XRCC2: variants seen among roughly 807,000 people sequenced by gnomAD.
XRCC2 encodes the protein X-ray repair cross complementing 2.
Under a neutral mutation model 27.3 loss-of-function variants are expected in XRCC2, and 24 were observed. The ratio of observed to expected loss-of-function variants is 0.88; its 90% CI spans 0.64 to 1.24. The LOEUF is 1.24. Ranked by LOEUF, XRCC2 falls within the 50% of genes most tolerant of loss-of-function variation. XRCC2 has a pLI of 0.00. For missense variants in XRCC2, 321 were observed against 325.8 expected, an observed-to-expected ratio of 0.99 and a Z score of 0.11; for synonymous variants, 106 against 115.4, an observed-to-expected ratio of 0.92 and a Z score of 0.52.
At chr7:152,661,962 A>G (rs1292758041) in intron 1 of XRCC2, among the ~76,000 whole-genome samples, 1 of 152,126 alleles carries the variant, frequency 6.6e-6, no homozygotes, top group Admixed American at 6.5e-5. Context: ...CTGGCATATT[A>G]TCCACTTCTT....
rs1324804031 is a variant in XRCC2 at position 152,649,245 on chromosome 7, A to T, written c.240T>A (p.Phe80Leu). The part of the protein sequence containing the change: ...SEGGLEVEVL[F>L]IDTDYHFDML... ...TATCAAAGTGGTAATCTGTATCAAT[A>T]AATAAGACTTCTACTTCCAGGCCAC... The change falls in exon 3 of 3, where the codon TTT (phenylalanine) becomes TTA (leucine). Residue 80 changes from phenylalanine to leucine, a missense_variant. Physicochemically the swap from Phe to Leu is conservative, Grantham distance 22. Transcript: ENST00000359321. 1.9e-6 allele frequency: 3 copies of T among 1,613,918 alleles called. No homozygotes were observed. Among genetic ancestry groups the T allele is most frequent in the Non-Finnish European group, 2.5e-6 (3 of 1,180,036 alleles).
intron 2 of XRCC2, among the ~76,000 whole-genome samples, chr7:152,655,105 A>T (rs1470529373): frequency 2.0e-5 from 3 of 152,218 alleles, no homozygotes; most frequent in Non-Finnish European, 2.9e-5. Context: ...CAGTAAAAAA[A>T]TCCCTAAGGT....
Position 152,648,017 on chromosome 7 carries a change from A to C in XRCC2, c.*625T>G, listed in dbSNP as rs2098026745. 6.6e-6 allele frequency: 1 copy of C among 152,206 alleles called. No homozygotes were observed. Among genetic ancestry groups the C allele is most frequent in the Non-Finnish European group, 1.5e-5 (1 of 68,036 alleles). 9.4% of individuals were successfully genotyped at this position (152,206 alleles called of 1,614,324 possible). A position where few individuals can be genotyped will look rare whatever the true frequency, so the allele number is the denominator to read the frequency against. On this transcript the variant is annotated 3_prime_UTR_variant, in exon 3 of 3. Coordinates refer to ENST00000359321, the MANE Select transcript of XRCC2 (RefSeq NM_005431.2). The stretch of plus-strand genomic sequence containing the variant: ...AAATTAATACAAAGTTTAATTGCTA[A>C]AATCACTTTGATTCAACAGCCTAGA...
rs538419682 is a variant in XRCC2, at chr7:152,667,400, C to T, written c.40-6618G>A. Among the ~76,000 whole-genome samples the T allele has an allele frequency of 3.6e-3, 297 of 82,276 alleles. 2 individuals carry two copies. The highest frequency in any genetic ancestry group is 8.6e-3 in the South Asian group (20 of 2,334). 54.0% of individuals were successfully genotyped at this position (82,276 alleles called of 152,430 possible). On this transcript the variant is annotated intron_variant, in intron 1 of 2. Coordinates refer to ENST00000359321, the MANE Select transcript of XRCC2 (RefSeq NM_005431.2). ...AGCCTGGGCAACAAGAGCAAAACTC[C>T]GTCTCAAAAAAAAAAAAAAAAAAAA...
rs1206252891 is a variant in XRCC2 at position 152,646,331 on chromosome 7, T to A, written c.*2311A>T. On this transcript the variant is annotated 3_prime_UTR_variant, in exon 3 of 3. Transcript: ENST00000359321. ...GTGTGTGTGTGTGTGTGTGTGTTGT[T>A]CCCTTCTTTGTATCCAGGAGTTCTC... 6.6e-6 allele frequency: 1 copy of A among 151,600 alleles called. No homozygotes were observed. The highest frequency in any genetic ancestry group is 1.5e-5 in the Non-Finnish European group (1 of 67,946). The allele number at this position is 151,600 out of a possible 1,614,324, so 9.4% of individuals were successfully genotyped here.
intron 1 of XRCC2, among the ~76,000 whole-genome samples, chr7:152,662,533 C>A (rs1156660860): frequency 6.7e-6 from 1 of 148,356 alleles, no homozygotes; most frequent in East Asian, 2.0e-4. Flanking sequence ...AAAAATCTAT[C>A]ACAAATGGGA....
chr7:152,675,693 A>G (rs1054954609), intron 1 of XRCC2, among the ~76,000 whole-genome samples: 1 of 152,088 alleles, frequency 6.6e-6, no homozygotes, highest in South Asian at 2.1e-4. Context: ...GACATTTCCA[A>G]CGGTAGTTAA....
intron 1 of XRCC2, among the ~76,000 whole-genome samples, chr7:152,671,546 TA>T (rs1170090753): frequency 6.6e-6 from 1 of 152,196 alleles, no homozygotes; most frequent in African/African-American, 2.4e-5. Context: ...CTATACTCTT[TA>T]TTATATTTTC....
chr7:152,656,736 T>C (rs2116995626), intron 2 of XRCC2, among the ~76,000 whole-genome samples: 1 of 152,350 alleles, frequency 6.6e-6, no homozygotes, highest in South Asian at 2.1e-4. Flanking sequence ...ATATCCTTCC[T>C]TACAGAGAGA....
intron 2 of XRCC2, among the ~76,000 whole-genome samples, chr7:152,654,294 A>AG: frequency 6.6e-6 from 1 of 152,252 alleles, no homozygotes; most frequent in South Asian, 2.1e-4. Context: ...GAGAAAAAAC[A>AG]AAAATCTCTT....
intron 1 of XRCC2, among the ~76,000 whole-genome samples, chr7:152,673,268 C>T (rs931890470): frequency 5.3e-5 from 8 of 152,200 alleles, no homozygotes; most frequent in African/African-American, 1.2e-4. Context: ...CTGAAACCCC[C>T]GCCTCCCGGG....
intron 2 of XRCC2, among the ~76,000 whole-genome samples, chr7:152,650,556 T>G (rs746896135): frequency 6.6e-6 from 1 of 152,218 alleles, no homozygotes; most frequent in Non-Finnish European, 1.5e-5. Flanking sequence ...AACACTATGT[T>G]AAAATGCCAA....
chr7:152,652,386 C>T (rs1032676054), intron 2 of XRCC2, among the ~76,000 whole-genome samples: 3 of 151,984 alleles, frequency 2.0e-5, no homozygotes, highest in Non-Finnish European at 2.9e-5. Context: ...GAACAAGGGA[C>T]CATGCAGAAG....
intron 1 of XRCC2, among the ~76,000 whole-genome samples, chr7:152,662,596 G>A (rs548311056): frequency 3.5e-4 from 44 of 125,044 alleles, no homozygotes; most frequent in Middle Eastern, 4.6e-3. Context: ...TTTTTGAGAC[G>A]GAGTCTCGCT....
At position 152,674,739 on chromosome 7, in the gene XRCC2, A is replaced by ATTATATAT. The variant is rs1590140190; in HGVS notation, c.39+1301_39+1302insATATATAA. On this transcript the variant is annotated intron_variant, in intron 1 of 2. Coordinates refer to ENST00000359321, the MANE Select transcript of XRCC2 (RefSeq NM_005431.2). ...ATATTTTTAAATATATATTATATAT[A>ATTATATAT]AATATATTTTTAAATATATATTATA... 2.0e-3 allele frequency among the ~76,000 whole-genome samples: 7 copies of ATTATATAT among 3,536 alleles called. No individual in the cohort carries two copies. In the East Asian group the frequency reaches 0.026, roughly 13 times the overall value. The allele number at this position is 3,536 out of a possible 152,430, so 2.3% of individuals were successfully genotyped here. A position where few individuals can be genotyped will look rare whatever the true frequency, so the allele number is the denominator to read the frequency against.
At position 152,669,011 on chromosome 7, in the gene XRCC2, G is replaced by A. The variant is rs1025654081; in HGVS notation, c.39+7030C>T. 4.6e-5 allele frequency among the ~76,000 whole-genome samples: 7 copies of A among 152,094 alleles called. No individual in the cohort carries two copies. In the East Asian group the frequency reaches 9.6e-4, roughly 21 times the overall value. On this transcript the variant is annotated intron_variant, in intron 1 of 2. Transcript: ENST00000359321. ...TCAAAGCCTGGAATTTTTCTACTAT[G>A]CTATACAACCTCAGTATCACTGAGA...
chr7:152,655,053 A>G (rs1206966971), intron 2 of XRCC2, among the ~76,000 whole-genome samples: 1 of 152,214 alleles, frequency 6.6e-6, no homozygotes, highest in Non-Finnish European at 1.5e-5. Flanking sequence ...TGTGGCTGCT[A>G]CAGCATCCTT....
chr7:152,653,128 C>CT (rs1161859271), intron 2 of XRCC2, among the ~76,000 whole-genome samples: 2 of 152,088 alleles, frequency 1.3e-5, no homozygotes, highest in Non-Finnish European at 2.9e-5. Flanking sequence ...GGGGGCGGGT[C>CT]TTTCCTGTGC....
chr7:152,674,236 T>C (rs921734448), intron 1 of XRCC2, among the ~76,000 whole-genome samples: 14 of 152,224 alleles, frequency 9.2e-5, no homozygotes, highest in Non-Finnish European at 1.5e-5. Context: ...GACTTAACTG[T>C]GCTAGACTCT....
Sources: gnomAD v4.1 joint callset for allele counts (sites outside exome capture counted in the v4.1 genomes callset) on GRCh38, gnomAD v4.1.1 for gene constraint, MANE v1.5 for transcripts, NCBI Gene and HGNC (gene_info 2026-07-23, HGNC 2026-07-21) for gene names.